The following INSYN2B variants were observed in gnomAD, a reference collection of about 807,000 sequenced individuals.
INSYN2B encodes protein INSYN2B.
Under a neutral mutation model 41.2 loss-of-function variants are expected in INSYN2B, and 16 were observed. That is an observed-to-expected ratio of 0.39 (90% CI 0.26 to 0.59). The LOEUF is 0.59. INSYN2B is among the 20% of genes least tolerant of loss of function. The pLI is 0.57. For missense variants in INSYN2B, 608 were observed against 646.4 expected (o/e 0.94, Z 0.64); for synonymous variants, 245 against 244.4 (o/e 1.00, Z -0.02).
intron 1 of INSYN2B, among the ~76,000 whole-genome samples, chr5:169,945,669 A>G (rs1222276276): frequency 6.6e-6 from 1 of 152,186 alleles, no homozygotes; most frequent in Non-Finnish European, 1.5e-5. Flanking sequence ...CACGGGTACT[A>G]GGAAGGAGTA....
At chr5:169,939,264 A>C (rs1776133250) in intron 1 of INSYN2B, among the ~76,000 whole-genome samples, 1 of 150,470 alleles carries the variant, frequency 6.6e-6, no homozygotes, top group Non-Finnish European at 1.5e-5. Flanking sequence ...AAACACACAC[A>C]GGAGCCTAGG....
Position 169,863,516 on chromosome 5 carries a change from G to C in INSYN2B, c.*757C>G, listed in dbSNP as rs1478999946. ...GTGGTCTCAGGCCCTAGGCAGAGAA[G>C]AAGCATGATGGTTTAGGGTGGGCCC... On this transcript the variant is annotated 3_prime_UTR_variant, in exon 4 of 4. Coordinates refer to ENST00000377365, the MANE Select transcript of INSYN2B (RefSeq NM_001129891.3). Among the ~76,000 whole-genome samples, 1 of 152,218 alleles carries C rather than the reference G, an allele frequency of 6.6e-6. No individual in the cohort carries two copies. The highest frequency in any genetic ancestry group is 1.9e-4 in the East Asian group (1 of 5,184).
intron 3 of INSYN2B, among the ~76,000 whole-genome samples, chr5:169,868,299 CA>C (rs1771726464): frequency 6.6e-6 from 1 of 152,186 alleles, no homozygotes; most frequent in Non-Finnish European, 1.5e-5. Flanking sequence ...TCCTACTTTC[CA>C]ATTCTTCATC....
intron 1 of INSYN2B, among the ~76,000 whole-genome samples, chr5:169,920,640 GGTGATAGCTCAGCCCCA>G (rs1261015983): frequency 6.6e-6 from 1 of 152,186 alleles, no homozygotes; most frequent in African/African-American, 2.4e-5. Context: ...TGTCATAAAA[GGTGATAGCTCAGCCCCA>G]GTGGCAGGTG....
chr5:169,866,503 G>A (rs759581592), intron 3 of INSYN2B, among the ~76,000 whole-genome samples: 6 of 152,234 alleles, frequency 3.9e-5, no homozygotes, highest in Non-Finnish European at 7.3e-5. Context: ...TAGGCACCAA[G>A]TATCCAGTCA....
At chr5:169,887,177 G>A (rs1297767450) in intron 1 of INSYN2B, among the ~76,000 whole-genome samples, 1 of 152,100 alleles carries the variant, frequency 6.6e-6, no homozygotes, top group Non-Finnish European at 1.5e-5. Context: ...TAGCAAGCAG[G>A]TTTCAAACTC....
intron 1 of INSYN2B, among the ~76,000 whole-genome samples, chr5:169,951,520 G>A (rs943663001): frequency 6.6e-6 from 1 of 152,190 alleles, no homozygotes; most frequent in Non-Finnish European, 1.5e-5. Context: ...CCATTCTGGA[G>A]GTTCAGAGTT....
rs1442526020 is a variant in INSYN2B at position 169,863,218 on chromosome 5, C to T, written c.*1055G>A. Among the ~76,000 whole-genome samples, 1 of 152,158 alleles carries T rather than the reference C, an allele frequency of 6.6e-6. No homozygotes were observed. Reference sequence around the variant, plus strand: ...AAATAGAAAAAACTATATCCTCATCCATAGTCCTGCTAGTTTTTCAATCAG... The same window carrying T: ...AAATAGAAAAAACTATATCCTCATCTATAGTCCTGCTAGTTTTTCAATCAG... On this transcript the variant is annotated 3_prime_UTR_variant, in exon 4 of 4. Transcript: ENST00000377365.
rs947152612 is a variant in INSYN2B, at chr5:169,976,244, G to A, written c.-919+4033C>T. Reference sequence around the variant, plus strand: ...CCATGAGAGTGCTGATGTGGAAGACGTGGCGGGTTTTTAAGAGAACACAGG... The same window carrying A: ...CCATGAGAGTGCTGATGTGGAAGACATGGCGGGTTTTTAAGAGAACACAGG... On this transcript the variant is annotated intron_variant, in intron 1 of 3. Transcript: ENST00000377365. Among the ~76,000 whole-genome samples, 4 of 152,342 alleles carry A rather than the reference G, an allele frequency of 2.6e-5. No homozygotes were observed. In the South Asian group the frequency reaches 8.3e-4, roughly 32 times the overall value.
chr5:169,902,493 CA>C (rs2113585123), intron 1 of INSYN2B, among the ~76,000 whole-genome samples: 1 of 152,304 alleles, frequency 6.6e-6, no homozygotes, highest in Non-Finnish European at 1.5e-5. Context: ...CAAGAGGCCA[CA>C]GGCTATTAAG....
intron 1 of INSYN2B, among the ~76,000 whole-genome samples, chr5:169,922,367 A>G (rs1348783378): frequency 6.6e-6 from 1 of 152,220 alleles, no homozygotes; most frequent in African/African-American, 2.4e-5. Flanking sequence ...AATACATAAA[A>G]ATAATGTAAT....
chr5:169,861,715 C>A lies in INSYN2B; in HGVS notation c.*2558G>T, dbSNP rs775307547. Among the ~76,000 whole-genome samples, 102 of 152,090 alleles carry A rather than the reference C, an allele frequency of 6.7e-4. No homozygotes were observed. The highest frequency in any genetic ancestry group is 8.8e-4 in the Non-Finnish European group (60 of 68,012). ...GTATATGTGTGTGTGGTGTTTTAAA[C>A]ATAGAGACGACCATTTTTGTTCATC... On this transcript the variant is annotated 3_prime_UTR_variant, in exon 4 of 4. Transcript: ENST00000377365.
At chr5:169,945,472 C>A (rs937402286) in intron 1 of INSYN2B, among the ~76,000 whole-genome samples, 1 of 152,234 alleles carries the variant, frequency 6.6e-6, no homozygotes, top group Non-Finnish European at 1.5e-5. Context: ...TTACTTCGTG[C>A]CTGGCACAGT....
At chr5:169,873,510 G>C (rs1772116675) in intron 3 of INSYN2B, among the ~76,000 whole-genome samples, 1 of 152,218 alleles carries the variant, frequency 6.6e-6, no homozygotes. Flanking sequence ...CAGATATGCT[G>C]TGTGCCTTTA....
At chr5:169,975,053 C>T (rs1371703563) in intron 1 of INSYN2B, among the ~76,000 whole-genome samples, 1 of 152,074 alleles carries the variant, frequency 6.6e-6, no homozygotes, top group East Asian at 1.9e-4. Flanking sequence ...GGAGATGAGC[C>T]CACTGGACTC....
Position 169,883,290 on chromosome 5 carries a change from C to A in INSYN2B, c.609G>T (p.Gln203His). ...RSLEKATAAIQVPDDIYHSPS... is the reference protein window; with the variant it reads ...RSLEKATAAIHVPDDIYHSPS... ...GACTGTGATAAATATCATCTGGAAC[C>A]TGAATGGCAGCTGTGGCTTTCTCTA... Residue 203 changes from glutamine to histidine, a missense_variant, in exon 2 of 4, where the codon CAG (glutamine) becomes CAT (histidine). Transcript: ENST00000377365. 6.4e-7 allele frequency: 1 copy of A among 1,551,610 alleles called. No individual in the cohort carries two copies. Among genetic ancestry groups the A allele is most frequent in the Non-Finnish European group, 8.7e-7 (1 of 1,146,914 alleles).
chr5:169,895,988 A>G (rs1415101015), intron 1 of INSYN2B, among the ~76,000 whole-genome samples: 1 of 152,164 alleles, frequency 6.6e-6, no homozygotes, highest in Admixed American at 6.5e-5. Context: ...CCTTTATGTG[A>G]ATGCTATGAT....
At chr5:169,919,560 G>A (rs889453027) in intron 1 of INSYN2B, among the ~76,000 whole-genome samples, 2 of 152,170 alleles carry the variant, frequency 1.3e-5, no homozygotes, top group East Asian at 3.8e-4. Flanking sequence ...TCTTTGATGT[G>A]GACATTAAAC....
chr5:169,916,183 T>C (rs111662635), intron 1 of INSYN2B, among the ~76,000 whole-genome samples: 6,932 of 152,248 alleles, frequency 0.046, 240 homozygotes, highest in South Asian at 0.12. Flanking sequence ...ATTCTGAAAA[T>C]AGAGTCTTTT....
Sources: allele counts gnomAD v4.1 joint callset (sites outside exome capture counted in the v4.1 genomes callset), GRCh38; gene constraint gnomAD v4.1.1; transcripts MANE v1.5; gene names NCBI Gene and HGNC (gene_info 2026-07-23, HGNC 2026-07-21).